Variants in ADAMTS9 observed in about 807,000 individuals in gnomAD.
ADAMTS9 encodes the protein ADAM metallopeptidase with thrombospondin type 1 motif 9, also known as A disintegrin and metalloproteinase with thrombospondin motifs 9.
In ADAMTS9, 107 loss-of-function variants were observed where a neutral mutation model predicts 257.1. The observed-to-expected ratio is 0.42, with a 90% CI of 0.36 to 0.49. The LOEUF (loss-of-function observed/expected upper bound fraction) is 0.49, where lower values mean the gene tolerates loss of function less well. ADAMTS9 is among the 20% of genes least tolerant of loss of function. The probability of loss-of-function intolerance (pLI) is 0.03; values close to 1 mark genes in which losing one functional copy is unlikely to be tolerated. For synonymous variants in ADAMTS9, 982 were observed against 880.9 expected, an observed-to-expected ratio of 1.11 and a Z score of -2.03; for missense variants, 2,353 against 2,469.1, an observed-to-expected ratio of 0.95 and a Z score of 1.00.
chr3:64,556,450 A>T (rs563070191), intron 30 of ADAMTS9, among the ~76,000 whole-genome samples: 16 of 152,304 alleles, frequency 1.1e-4, no homozygotes, highest in African/African-American at 3.4e-4. Flanking sequence ...CCTCCCAGGT[A>T]GCTGGAACTA....
At chr3:64,647,189 T>C (rs941937187) in intron 11 of ADAMTS9, among the ~76,000 whole-genome samples, 2 of 152,122 alleles carry the variant, frequency 1.3e-5, no homozygotes, top group African/African-American at 4.8e-5. Context: ...AGAATGCCAA[T>C]TTCCATGTGT....
intron 28 of ADAMTS9, among the ~76,000 whole-genome samples, chr3:64,575,103 C>G (rs957130679): frequency 2.6e-5 from 4 of 152,138 alleles, no homozygotes; most frequent in Admixed American, 6.5e-5. Flanking sequence ...CTCGTTGAGG[C>G]CTGCCAGATG....
intron 39 of ADAMTS9, 120 bp from the exon 40 acceptor site, chr3:64,517,241 T>C (rs946995867): frequency 6.6e-6 from 1 of 151,944 alleles, no homozygotes; most frequent in Non-Finnish European, 1.5e-5. Context: ...TTTCTCTAGA[T>C]TTTATTTTTA....
chr3:64,531,340 T>A (rs1048869468), intron 38 of ADAMTS9, among the ~76,000 whole-genome samples: 1 of 152,050 alleles, frequency 6.6e-6, no homozygotes, highest in Admixed American at 6.6e-5. Flanking sequence ...GTTTTCAGAT[T>A]TAGAAAATAA....
chr3:64,661,270 A>C, intron 3 of ADAMTS9, among the ~76,000 whole-genome samples: 1 of 147,576 alleles, frequency 6.8e-6, no homozygotes, highest in South Asian at 2.3e-4. Flanking sequence ...CAATGCCAAT[A>C]AGTATTGCAT....
At chr3:64,601,379 A>G (rs553902475) in intron 26 of ADAMTS9, among the ~76,000 whole-genome samples, 12 of 152,178 alleles carry the variant, frequency 7.9e-5, no homozygotes, top group Non-Finnish European at 1.6e-4. Flanking sequence ...AAGTCATTGG[A>G]TCAAACCTAC....
At chr3:64,561,121 T>C (rs912655255) in intron 30 of ADAMTS9, among the ~76,000 whole-genome samples, 1 of 151,342 alleles carries the variant, frequency 6.6e-6, no homozygotes, top group African/African-American at 2.4e-5. Flanking sequence ...AGGTTTCACA[T>C]GAATGCCTAT....
At chr3:64,603,321 T>G (rs1224632577) in intron 25 of ADAMTS9, among the ~76,000 whole-genome samples, 2 of 152,188 alleles carry the variant, frequency 1.3e-5, no homozygotes, top group Non-Finnish European at 2.9e-5. Context: ...TCCATTCTTC[T>G]TATGCCCTCT....
chr3:64,560,331 G>A (rs973846027), intron 30 of ADAMTS9, among the ~76,000 whole-genome samples: 4 of 152,226 alleles, frequency 2.6e-5, no homozygotes, highest in Middle Eastern at 3.4e-3. Context: ...AGTAAAGAAG[G>A]AAAACAGGAA....
At chr3:64,635,286 A>G (rs1700468976) in intron 12 of ADAMTS9, among the ~76,000 whole-genome samples, 2 of 152,196 alleles carry the variant, frequency 1.3e-5, no homozygotes. Context: ...TGCAGTTACA[A>G]GCTGGGGAGG....
rs939333897 is a variant in ADAMTS9 at position 64,687,725 on chromosome 3, G to A, written c.-68C>T. On this transcript the variant is annotated 5_prime_UTR_variant, in exon 1 of 40. Transcript: ENST00000498707. This position sits in a 1 kb window ranked among gnomAD's most constrained non-coding sequence, Gnocchi z 4.4. ...TCCTGCCCTCCTTGGCTGCGGCGGC[G>A]ACGCGAGGCAGCGGCCGTGGAGAGC... The A allele has an allele frequency of 7.9e-7, 1 of 1,267,794 alleles. No individual in the cohort carries two copies. The highest frequency in any genetic ancestry group is 2.8e-5 in the Admixed American group (1 of 36,076). 78.5% of individuals were successfully genotyped at this position (1,267,794 alleles called of 1,614,324 possible).
chr3:64,575,355 G>A (rs1279551927), intron 28 of ADAMTS9, among the ~76,000 whole-genome samples: 1 of 152,170 alleles, frequency 6.6e-6, no homozygotes, highest in Non-Finnish European at 1.5e-5. Context: ...GAAAATGCAG[G>A]CTGAAGAATC....
intron 3 of ADAMTS9, among the ~76,000 whole-genome samples, chr3:64,673,721 ATAT>A (rs1221634439): frequency 5.9e-5 from 9 of 152,098 alleles, no homozygotes; most frequent in Non-Finnish European, 1.2e-4. Context: ...TACGTATCAA[ATAT>A]TAATAATATT....
At chr3:64,613,997 C>T (rs1023671257) in intron 21 of ADAMTS9, among the ~76,000 whole-genome samples, 1 of 152,148 alleles carries the variant, frequency 6.6e-6, no homozygotes, top group Non-Finnish European at 1.5e-5. Flanking sequence ...ATGTAATCAT[C>T]ATTTTATCCA....
chr3:64,648,477 T>C (rs1044944802), intron 10 of ADAMTS9, among the ~76,000 whole-genome samples: 2 of 152,238 alleles, frequency 1.3e-5, no homozygotes, highest in East Asian at 1.9e-4. Context: ...TACAACTTGC[T>C]TTCTTCCTCC....
chr3:64,518,163 A>T (rs1057375134), intron 39 of ADAMTS9, among the ~76,000 whole-genome samples: 2 of 152,262 alleles, frequency 1.3e-5, no homozygotes, highest in African/African-American at 4.8e-5. Flanking sequence ...AGAGGCAATC[A>T]TTGCTGATTG....
intron 31 of ADAMTS9, among the ~76,000 whole-genome samples, chr3:64,549,321 A>C (rs1038319787): frequency 4.6e-5 from 7 of 152,170 alleles, no homozygotes; most frequent in African/African-American, 1.7e-4. Context: ...TTAAAGCTAT[A>C]GGAGTAATAT....
intron 3 of ADAMTS9, among the ~76,000 whole-genome samples, chr3:64,680,644 T>C (rs902221271): frequency 2.0e-5 from 3 of 152,168 alleles, no homozygotes; most frequent in Admixed American, 6.5e-5. Flanking sequence ...GGTTGATTGG[T>C]ACCTCACAGC....
chr3:64,556,617 A>C (rs1303196064), intron 30 of ADAMTS9, among the ~76,000 whole-genome samples: 1 of 152,190 alleles, frequency 6.6e-6, no homozygotes, highest in Non-Finnish European at 1.5e-5. Context: ...CACTGTGTCC[A>C]GCCTGCTTGA....
Sources: gnomAD v4.1 joint callset for allele counts (sites outside exome capture counted in the v4.1 genomes callset) on GRCh38, gnomAD v4.1.1 for gene constraint, Gnocchi (gnomAD v3.1) non-coding constraint, MANE v1.5 for transcripts, NCBI Gene and HGNC (gene_info 2026-07-23, HGNC 2026-07-21) for gene names.